Variants in CDYL observed in about 807,000 individuals in gnomAD.
CDYL encodes the protein chromodomain Y like.
CDYL carries 8 observed loss-of-function variants against 47.3 expected under a neutral mutation model. The ratio of observed to expected loss-of-function variants is 0.17; its 90% confidence interval spans 0.10 to 0.31. CDYL has a LOEUF of 0.31. Among genes scored for constraint, CDYL ranks in the 10% least tolerant of loss-of-function variants. The pLI, the probability that CDYL is intolerant of heterozygous loss-of-function variation, is 1.00. For missense variants in CDYL, 471 were observed against 701.4 expected, an observed-to-expected ratio of 0.67 and a Z score of 3.71; for synonymous variants, 266 against 265.0, an observed-to-expected ratio of 1.00 and a Z score of -0.04.
At chr6:4,706,737 C>T (rs968162429) in intron 1 of CDYL, among the ~76,000 whole-genome samples, 5 of 152,044 alleles carry the variant, frequency 3.3e-5, no homozygotes, top group African/African-American at 4.8e-5. Flanking sequence ...TGCAGTGAGT[C>T]GAGATGGCAC....
At chr6:4,767,310 C>A (rs918624720) in intron 3 of CDYL, among the ~76,000 whole-genome samples, 1 of 151,618 alleles carries the variant, frequency 6.6e-6, no homozygotes, top group African/African-American at 2.4e-5. Flanking sequence ...CGCAGTGGCT[C>A]ACACCTGTAA....
chr6:4,863,318 G>C (rs1254294016), intron 1 of CDYL, among the ~76,000 whole-genome samples: 2 of 152,158 alleles, frequency 1.3e-5, no homozygotes, highest in Non-Finnish European at 2.9e-5. Context: ...TTATACCATT[G>C]TAACAAACTT....
rs1366424207 is a variant in CDYL, at chr6:4,798,161, T to TG, written c.24+21356dup. ...CTAATTTTTGTAATTTTTGTAGAGATGGAGTTTCACCGTGTTTCCCTGGCT... is the reference window on the plus strand; with the variant it reads ...CTAATTTTTGTAATTTTTGTAGAGATGGGAGTTTCACCGTGTTTCCCTGGCT... On this transcript the variant is annotated intron_variant, in intron 1 of 6. Transcript: ENST00000397588. Among the ~76,000 whole-genome samples the TG allele has an allele frequency of 3.3e-5, 5 of 152,174 alleles. No individual in the cohort carries two copies. In the South Asian group the frequency reaches 8.3e-4, roughly 25 times the overall value.
At chr6:4,872,957 G>T (rs1032344640) in intron 1 of CDYL, among the ~76,000 whole-genome samples, 30 of 152,172 alleles carry the variant, frequency 2.0e-4, no homozygotes, top group African/African-American at 7.2e-4. Context: ...TGTTGTCAAT[G>T]GGAAATAATA....
intron 1 of CDYL, among the ~76,000 whole-genome samples, chr6:4,881,858 C>T (rs540915650): frequency 6.6e-6 from 1 of 152,290 alleles, no homozygotes; most frequent in Non-Finnish European, 1.5e-5. Context: ...GACAATTCTC[C>T]ATAGGTCTTC....
intron 2 of CDYL, among the ~76,000 whole-genome samples, chr6:4,914,749 G>T (rs1757509026): frequency 6.6e-6 from 1 of 152,234 alleles, no homozygotes; most frequent in South Asian, 2.1e-4. Context: ...TGACTGGGGT[G>T]GGTTGTGACA....
intron 1 of CDYL, among the ~76,000 whole-genome samples, chr6:4,808,973 C>T (rs773244284): frequency 1.2e-4 from 18 of 152,114 alleles, no homozygotes; most frequent in Non-Finnish European, 1.9e-4. Flanking sequence ...GGCTTCCAAG[C>T]GTGAGAGCTG....
At chr6:4,724,771 G>A (rs1206293569) in intron 2 of CDYL, 2 of 152,192 alleles carry the variant, frequency 1.3e-5, no homozygotes, top group African/African-American at 4.8e-5. Flanking sequence ...CTTCGGGTGA[G>A]TGCTACAACT....
chr6:4,893,282 T>C (rs1168352344), intron 2 of CDYL, among the ~76,000 whole-genome samples: 1 of 152,250 alleles, frequency 6.6e-6, no homozygotes, highest in African/African-American at 2.4e-5. Context: ...TCCGCTGCCC[T>C]CTGGCTCGCT....
intron 3 of CDYL, among the ~76,000 whole-genome samples, chr6:4,756,304 T>C (rs1268869062): frequency 1.3e-5 from 2 of 152,182 alleles, no homozygotes; most frequent in African/African-American, 4.8e-5. Context: ...TTCCAATAGC[T>C]GATAAAATTC....
intron 5 of CDYL, among the ~76,000 whole-genome samples, chr6:4,946,572 A>G (rs1284186252): frequency 6.6e-6 from 1 of 152,076 alleles, no homozygotes; most frequent in South Asian, 2.1e-4. Flanking sequence ...CAGGTACTCA[A>G]GGGTCTGGGG....
rs953534000 is a variant in CDYL at position 4,723,204 on chromosome 6, C to A, written c.103+7323C>A. ...AACTATTTACATAGCATTTACATGGCAGTAGATATTAAGAAATTTAGCGAT... is the reference window on the plus strand; with the variant it reads ...AACTATTTACATAGCATTTACATGGAAGTAGATATTAAGAAATTTAGCGAT... On this transcript the variant is annotated intron_variant, in intron 2 of 8. Transcript: ENST00000328908. Among the ~76,000 whole-genome samples, 5 of 152,066 alleles carry A rather than the reference C, an allele frequency of 3.3e-5. No individual in the cohort carries two copies. The East Asian group carries it at 9.6e-4, about 29-fold the overall frequency.
intron 3 of CDYL, among the ~76,000 whole-genome samples, chr6:4,736,659 C>T (rs1227809677): frequency 6.9e-6 from 1 of 144,612 alleles, no homozygotes; most frequent in Non-Finnish European, 1.5e-5. Flanking sequence ...TGCTACTCAG[C>T]TTTTTTTTTT....
chr6:4,824,135 T>C (rs1165076947), intron 1 of CDYL, among the ~76,000 whole-genome samples: 1 of 152,246 alleles, frequency 6.6e-6, no homozygotes, highest in Non-Finnish European at 1.5e-5. Flanking sequence ...TTCATCTTAG[T>C]GGACATATGC....
chr6:4,746,872 C>T (rs991677630), intron 3 of CDYL, among the ~76,000 whole-genome samples: 4 of 152,220 alleles, frequency 2.6e-5, no homozygotes, highest in Middle Eastern at 3.4e-3. Context: ...CAGGTCTTCT[C>T]GCTGTGCCGG....
intron 2 of CDYL, among the ~76,000 whole-genome samples, chr6:4,914,985 T>G (rs1184280794): frequency 2.0e-5 from 3 of 152,236 alleles, no homozygotes; most frequent in Admixed American, 6.5e-5. Context: ...CTTGCCTTTA[T>G]TCACTGTGCC....
intron 2 of CDYL, among the ~76,000 whole-genome samples, chr6:4,929,525 C>CACACACACACACAT (rs1017452970): frequency 1.0e-4 from 15 of 147,772 alleles, no homozygotes; most frequent in African/African-American, 2.6e-4. Context: ...CACACACACA[C>CACACACACACACAT]ATACATACAC....
chr6:4,952,420 T>C lies in CDYL; in HGVS notation c.1476+11T>C, dbSNP rs947050285. ...TCGTGCAATCCAGTTGTATGTCTAA[T>C]TGCTTCTGTTACACGTTACTTTTTA... On this transcript the variant is annotated intron_variant, in intron 6 of 6. Coordinates refer to ENST00000397588, the MANE Select transcript of CDYL (RefSeq NM_004824.4). 5 of 1,599,720 alleles carry C rather than the reference T, an allele frequency of 3.1e-6. No individual in the cohort carries two copies. The highest frequency in any genetic ancestry group is 1.8e-5 in the Admixed American group (1 of 56,426).
chr6:4,734,506 A>G (rs1286238059), intron 2 of CDYL, among the ~76,000 whole-genome samples: 2 of 152,162 alleles, frequency 1.3e-5, no homozygotes, highest in South Asian at 2.1e-4. Context: ...TCCACATTCC[A>G]GATGGGGAGA....
Sources: gnomAD v4.1 joint callset for allele counts (sites outside exome capture counted in the v4.1 genomes callset) on GRCh38, gnomAD v4.1.1 for gene constraint, MANE v1.5 for transcripts, NCBI Gene and HGNC (gene_info 2026-07-23, HGNC 2026-07-21) for gene names.